ACAA2: variants seen among roughly 807,000 people sequenced by gnomAD.
ACAA2 encodes the protein 3-ketoacyl-CoA thiolase, mitochondrial.
ACAA2 carries 35 observed loss-of-function variants against 44.8 expected under a neutral mutation model. The ratio of observed to expected loss-of-function variants is 0.78; its 90% confidence interval spans 0.60 to 1.04. ACAA2 has a LOEUF of 1.04. Among genes scored for constraint, ACAA2 ranks in the 50% least tolerant of loss-of-function variants. The pLI is 0.00. For missense variants in ACAA2, 468 were observed against 482.6 expected (o/e 0.97, Z 0.28); for synonymous variants, 142 against 166.5 (o/e 0.85, Z 1.13).
intron 6 of ACAA2, 109 bp from the exon 7 acceptor site, chr18:49,791,708 G>C (rs2023401358): frequency 2.7e-6 from 3 of 1,105,758 alleles, no homozygotes; most frequent in African/African-American, 1.6e-5. Flanking sequence ...TAGGAAGCCA[G>C]TGCACAGTGT....
In ACAA2 at chr18:49,807,097, G is replaced by A. The variant is rs150254679; in HGVS notation, c.17-4244C>T. Among the ~76,000 whole-genome samples, 787 of 152,288 alleles carry A rather than the reference G, an allele frequency of 5.2e-3. 10 individuals carry two copies. The highest frequency in any genetic ancestry group is 0.018 in the African/African-American group (736 of 41,570). ...ACAAAATGAATCCAGGCAAAAATGC[G>A]TCAACTTTGATAGTGGGCTGGGCAC... On this transcript the variant is annotated intron_variant, in intron 1 of 9. Transcript: ENST00000285093.
At chr18:49,792,425 TCA>T in intron 5 of ACAA2, 98 bp from the exon 6 acceptor site, 17 of 1,106,164 alleles carry the variant, frequency 1.5e-5, no homozygotes, top group Non-Finnish European at 2.2e-5. Context: ...TACCTTTTCC[TCA>T]CAGTCTACTT....
At chr18:49,793,038 T>C (rs962566552) in intron 5 of ACAA2, among the ~76,000 whole-genome samples, 1 of 152,222 alleles carries the variant, frequency 6.6e-6, no homozygotes, top group Non-Finnish European at 1.5e-5. Context: ...TTGCTATAGA[T>C]GTAATGGCAA....
intron 7 of ACAA2, among the ~76,000 whole-genome samples, chr18:49,789,690 A>G (rs187512895): frequency 6.6e-6 from 1 of 152,146 alleles, no homozygotes; most frequent in East Asian, 1.9e-4. Context: ...AAAAAAACCA[A>G]CTCTGCTCTT....
Position 49,787,279 on chromosome 18 carries a change from A to AAAAAAC in ACAA2, c.954+11_954+12insGTTTTT, listed in dbSNP as rs2023343777. 1.4e-6 allele frequency: 2 copies of AAAAAAC among 1,465,986 alleles called. No individual in the cohort carries two copies. The highest frequency in any genetic ancestry group is 3.0e-5 in the African/African-American group (2 of 67,518). 90.8% of individuals were successfully genotyped at this position (1,465,986 alleles called of 1,614,324 possible). A position where few individuals can be genotyped will look rare whatever the true frequency, so the allele number is the denominator to read the frequency against. On this transcript the variant is annotated intron_variant, in intron 8 of 9. Coordinates refer to ENST00000285093, the MANE Select transcript of ACAA2 (RefSeq NM_006111.3). The stretch of plus-strand genomic sequence containing the variant: ...TGTTGTTAAAAAAAAAAAAAAAAAA[A>AAAAAAC]AAAACACTTACCTCTACCAAATCCA...
At chr18:49,785,404 T>C (rs1025547806) in intron 8 of ACAA2, 53 bp from the exon 9 acceptor site, 2 of 1,579,326 alleles carry the variant, frequency 1.3e-6, no homozygotes, top group Non-Finnish European at 1.7e-6. Context: ...AAACTAATTT[T>C]TAAATGAGAA....
chr18:49,797,793 G>GT (rs938086504), intron 2 of ACAA2, among the ~76,000 whole-genome samples, 199 bp from the exon 3 acceptor site: 20 of 152,008 alleles, frequency 1.3e-4, no homozygotes, highest in African/African-American at 4.6e-4. Flanking sequence ...AGTCAATTGG[G>GT]TTTTTTTCTA....
At chr18:49,812,295 T>C (rs541845901) in intron 1 of ACAA2, among the ~76,000 whole-genome samples, 2 of 152,336 alleles carry the variant, frequency 1.3e-5, no homozygotes, top group African/African-American at 4.8e-5. Flanking sequence ...ACTTGGCTGC[T>C]TCACAGGCAC....
At chr18:49,794,448 A>G in intron 4 of ACAA2, 21 bp from the exon 5 acceptor site, 1 of 1,532,230 alleles carries the variant, frequency 6.5e-7, no homozygotes, top group Non-Finnish European at 8.8e-7. Flanking sequence ...ACATTAATAA[A>G]GTGACTTGTT....
chr18:49,800,273 G>T lies in ACAA2; in HGVS notation c.183+2414C>A, dbSNP rs543890755. ...CGCCCCGTCCGGGAGGGAGGGAGGT[G>T]GGGGGGTCAGCCCCCCGCCCGGCCA... On this transcript the variant is annotated intron_variant, in intron 2 of 9. Coordinates refer to ENST00000285093, the MANE Select transcript of ACAA2 (RefSeq NM_006111.3). 3.5e-5 allele frequency among the ~76,000 whole-genome samples: 5 copies of T among 143,280 alleles called. No homozygotes were observed. In the East Asian group the frequency reaches 1.0e-3, roughly 30 times the overall value. The allele number at this position is 143,280 out of a possible 152,430, so 94.0% of individuals were successfully genotyped here.
Position 49,783,852 on chromosome 18 carries a change from C to T in ACAA2, c.1189G>A (p.Ala397Thr), listed in dbSNP as rs1192129639. ...CAGTGAGCTCACTGGTCTCTTCAGG[C>T]TGTGCTCTGAATGATGACAGCAATA... is the stretch of plus-strand genomic sequence containing the variant. ...QGIAVIIQST[A>T] is the part of the protein sequence containing the mutation. Residue 397 changes from alanine to threonine, a missense_variant, in exon 10 of 10, where the codon GCC (alanine) becomes ACC (threonine). Coordinates refer to ENST00000285093, the MANE Select transcript of ACAA2 (RefSeq NM_006111.3). 6.2e-7 allele frequency: 1 copy of T among 1,612,190 alleles called. No individual in the cohort carries two copies. Among genetic ancestry groups the T allele is most frequent in the Non-Finnish European group, 8.5e-7 (1 of 1,178,810 alleles).
intron 7 of ACAA2, 28 bp downstream of exon 7, chr18:49,791,442 G>GAACC: frequency 6.3e-7 from 1 of 1,597,074 alleles, no homozygotes; most frequent in African/African-American, 1.3e-5. Flanking sequence ...AAATATTATA[G>GAACC]AACCAGTTTG....
Position 49,794,260 on chromosome 18 carries a change from T to G in ACAA2, c.577+20A>C. On this transcript the variant is annotated intron_variant, in intron 5 of 9. Transcript: ENST00000285093. ...TAGATATTTATTCTATAGATACTGA[T>G]ACTTTCCAGTTTCACTCACCAGCTT... 1 of 1,582,414 alleles carries G rather than the reference T, an allele frequency of 6.3e-7. No individual in the cohort carries two copies. Among genetic ancestry groups the G allele is most frequent in the Non-Finnish European group, 8.6e-7 (1 of 1,168,618 alleles).
At position 49,783,718 on chromosome 18, in the gene ACAA2, T is replaced by C. The variant is rs1278962516; in HGVS notation, c.*129A>G. 9 of 698,296 alleles carry C rather than the reference T, an allele frequency of 1.3e-5. No individual in the cohort carries two copies. Among genetic ancestry groups the C allele is most frequent in the Non-Finnish European group, 2.0e-5 (8 of 398,146 alleles). The allele number at this position is 698,296 out of a possible 1,614,324, so 43.3% of individuals were successfully genotyped here. ...AATGCATTTTTGTGTCACCATGGCT[T>C]GATCAAACTTAATCACTGTTTCAAT... On this transcript the variant is annotated 3_prime_UTR_variant, in exon 10 of 10. Coordinates refer to ENST00000285093, the MANE Select transcript of ACAA2 (RefSeq NM_006111.3).
rs1351316275 is a variant in ACAA2, at chr18:49,782,640, A to C, written c.*1207T>G. On this transcript the variant is annotated 3_prime_UTR_variant, in exon 10 of 10. Coordinates refer to ENST00000285093, the MANE Select transcript of ACAA2 (RefSeq NM_006111.3). Reference sequence around the variant, plus strand: ...GAGGCGGGTGGATCACGAGGTCAGGAGATCGAGACCATCCTGGCTAACACG... The same window carrying C: ...GAGGCGGGTGGATCACGAGGTCAGGCGATCGAGACCATCCTGGCTAACACG... 6.6e-6 allele frequency: 1 copy of C among 151,500 alleles called. No individual in the cohort carries two copies. The highest frequency in any genetic ancestry group is 1.5e-5 in the Non-Finnish European group (1 of 67,928). 9.4% of individuals were successfully genotyped at this position (151,500 alleles called of 1,614,324 possible).
At chr18:49,793,761 C>A (rs975258936) in intron 5 of ACAA2, among the ~76,000 whole-genome samples, 21 of 152,196 alleles carry the variant, frequency 1.4e-4, no homozygotes, top group South Asian at 2.1e-4. Context: ...TGCTGTGCTA[C>A]ACCAGGGCAC....
chr18:49,783,956 ATCTAC>A (rs763830168), intron 9 of ACAA2, 25 bp from the exon 10 acceptor site: 1 of 1,586,654 alleles, frequency 6.3e-7, no homozygotes, highest in South Asian at 1.1e-5. Flanking sequence ...AGTGACTGAA[ATCTAC>A]TCTAATAAAA....
At chr18:49,787,260 TAAAAA>T (rs35932656) in intron 8 of ACAA2, 26 bp downstream of exon 8, 231 of 1,027,106 alleles carry the variant, frequency 2.2e-4, no homozygotes, top group Admixed American at 1.6e-3. Flanking sequence ...TTCATGTTGT[TAAAAA>T]AAAAAAAAAA....
At position 49,789,900 on chromosome 18, in the gene ACAA2, T is replaced by C. The variant is rs1400158504; in HGVS notation, c.883+1570A>G. Among the ~76,000 whole-genome samples, 7 of 151,202 alleles carry C rather than the reference T, an allele frequency of 4.6e-5. No homozygotes were observed. In the East Asian group the frequency reaches 1.4e-3, roughly 30 times the overall value. On this transcript the variant is annotated intron_variant, in intron 7 of 9. Transcript: ENST00000285093. ...TGGGAAGAATGAGGTTGCAGTGAGCTGAGATCACGCCACTGCACTCCAGCC... is the reference window on the plus strand; with the variant it reads ...TGGGAAGAATGAGGTTGCAGTGAGCCGAGATCACGCCACTGCACTCCAGCC...
Sources: allele counts gnomAD v4.1 joint callset (sites outside exome capture counted in the v4.1 genomes callset), GRCh38; gene constraint gnomAD v4.1.1; transcripts MANE v1.5; gene names NCBI Gene and HGNC (gene_info 2026-07-23, HGNC 2026-07-21).